Variants in CREB3L2 observed in about 807,000 individuals in gnomAD.
The protein encoded by CREB3L2 is cAMP responsive element binding protein 3 like 2.
CREB3L2 carries 23 observed loss-of-function variants against 57.2 expected under a neutral mutation model. The ratio of observed to expected loss-of-function variants is 0.40; its 90% confidence interval spans 0.29 to 0.57. The LOEUF (loss-of-function observed/expected upper bound fraction) is 0.57, where lower values mean the gene tolerates loss of function less well. CREB3L2 is among the 20% of genes least tolerant of loss of function. The pLI, the probability that CREB3L2 is intolerant of heterozygous loss-of-function variation, is 0.42. For missense variants in CREB3L2, 628 were observed against 634.7 expected (o/e 0.99, Z 0.11); for synonymous variants, 268 against 265.1 (o/e 1.01, Z -0.11).
At chr7:137,912,691 T>C (rs1017131215) in intron 4 of CREB3L2, 2 of 686,778 alleles carry the variant, frequency 2.9e-6, no homozygotes, top group Non-Finnish European at 4.8e-6. Context: ...AGTTCTCTTG[T>C]TCGATAGTGT....
At chr7:137,981,076 C>T (rs1801702764) in intron 1 of CREB3L2, among the ~76,000 whole-genome samples, 1 of 152,166 alleles carries the variant, frequency 6.6e-6, no homozygotes, top group Non-Finnish European at 1.5e-5. Flanking sequence ...ATCCCAAGCC[C>T]TGAGTTCAGG....
rs1799128700 is a variant in CREB3L2, at chr7:137,875,532, C to CA, written c.*4943dup. The CA allele has an allele frequency of 9.0e-6, 2 of 223,020 alleles. No homozygotes were observed. The highest frequency in any genetic ancestry group is 3.7e-4 in the South Asian group (2 of 5,446). 13.8% of individuals were successfully genotyped at this position (223,020 alleles called of 1,614,324 possible). ...AGCTGGAACTCACAGAAGATTGGAA[C>CA]AAAAAGATAGGAGATGGACACCTGG... On this transcript the variant is annotated 3_prime_UTR_variant, in exon 12 of 12. Coordinates refer to ENST00000330387, the MANE Select transcript of CREB3L2 (RefSeq NM_194071.4).
intron 1 of CREB3L2, among the ~76,000 whole-genome samples, chr7:137,952,883 T>A (rs994387519): frequency 2.0e-5 from 3 of 152,188 alleles, no homozygotes; most frequent in African/African-American, 7.2e-5. Context: ...AGTGGCGTGA[T>A]CTTGGCTCAC....
At chr7:137,883,711 T>C (rs1022107664) in intron 10 of CREB3L2, among the ~76,000 whole-genome samples, 1 of 151,708 alleles carries the variant, frequency 6.6e-6, no homozygotes, top group African/African-American at 2.4e-5. Context: ...GTATTTTTAT[T>C]GGCTGCAGGT....
intron 1 of CREB3L2, among the ~76,000 whole-genome samples, chr7:137,944,883 ATTTTATT>A (rs1250326943): frequency 0.015 from 2,227 of 152,012 alleles, 150 homozygotes; most frequent in Admixed American, 0.12. Context: ...TATAACTTTT[ATTTTATT>A]TTTTATTTTT....
At position 137,894,703 on chromosome 7, in the gene CREB3L2, C is replaced by T. The variant is rs796264214; in HGVS notation, c.1043+6651G>A. On this transcript the variant is annotated intron_variant, in intron 8 of 11. Transcript: ENST00000330387. ...GGATGCATCCCCTTGGTCCTGCCAA[C>T]TACACATCCCATGGAGGGGGACATG... 2.4e-4 allele frequency among the ~76,000 whole-genome samples: 37 copies of T among 152,348 alleles called. 1 individual carries two copies. Among genetic ancestry groups the T allele is most frequent in the African/African-American group, 8.2e-4 (34 of 41,592 alleles).
At chr7:137,937,701 CAG>C (rs1405115272) in intron 1 of CREB3L2, among the ~76,000 whole-genome samples, 3 of 151,582 alleles carry the variant, frequency 2.0e-5, no homozygotes, top group Non-Finnish European at 4.4e-5. Context: ...TTTATTACAC[CAG>C]AGTTTTGGAG....
intron 1 of CREB3L2, among the ~76,000 whole-genome samples, chr7:137,996,147 G>A (rs1477092249): frequency 6.6e-6 from 1 of 152,214 alleles, no homozygotes; most frequent in Non-Finnish European, 1.5e-5. Flanking sequence ...TCTCCAAGTG[G>A]AGATTCACCC....
At chr7:137,969,588 T>G (rs1423929657) in intron 1 of CREB3L2, among the ~76,000 whole-genome samples, 3 of 151,932 alleles carry the variant, frequency 2.0e-5, no homozygotes, top group Admixed American at 6.6e-5. Flanking sequence ...CCTGACCTCA[T>G]GATCCACCTG....
intron 11 of CREB3L2, 39 bp downstream of exon 11, chr7:137,882,373 G>A: frequency 2.7e-6 from 4 of 1,497,126 alleles, no homozygotes; most frequent in Non-Finnish European, 3.7e-6. Flanking sequence ...CCCACCATCA[G>A]TGCACTAGAG....
intron 1 of CREB3L2, among the ~76,000 whole-genome samples, chr7:137,946,900 TTA>T (rs74203935): frequency 0.11 from 2,877 of 25,882 alleles, 373 homozygotes; most frequent in East Asian, 0.28. Context: ...ATATATATAG[TTA>T]TATATATAGT....
At chr7:137,948,431 C>T (rs977158589) in intron 1 of CREB3L2, among the ~76,000 whole-genome samples, 1 of 152,190 alleles carries the variant, frequency 6.6e-6, no homozygotes, top group Non-Finnish European at 1.5e-5. Flanking sequence ...ATAGCTTCTC[C>T]ATCTCCTCCA....
At chr7:137,894,643 G>A (rs1010094003) in intron 8 of CREB3L2, among the ~76,000 whole-genome samples, 5 of 152,158 alleles carry the variant, frequency 3.3e-5, no homozygotes, top group Admixed American at 6.5e-5. Flanking sequence ...AGGTACTGGA[G>A]TAAGTTCTAG....
At chr7:137,962,641 A>AC (rs1181891773) in intron 1 of CREB3L2, among the ~76,000 whole-genome samples, 3 of 149,670 alleles carry the variant, frequency 2.0e-5, no homozygotes, top group Admixed American at 6.7e-5. Context: ...AGAGCCTCCC[A>AC]CCCCCCACCA....
At chr7:137,938,193 A>C (rs273987) in intron 1 of CREB3L2, among the ~76,000 whole-genome samples, 81,085 of 151,996 alleles carry the variant, frequency 0.53, 22,760 homozygotes, top group East Asian at 0.81. Context: ...ACAATGTGTC[A>C]ATGTATCTAC....
intron 4 of CREB3L2, among the ~76,000 whole-genome samples, chr7:137,909,912 G>GATCT (rs1371050457): frequency 6.6e-6 from 1 of 152,156 alleles, no homozygotes; most frequent in African/African-American, 2.4e-5. Context: ...AGCCTCATGA[G>GATCT]ATCTGATGAA....
In CREB3L2 at chr7:137,946,487, T is replaced by C. The variant is rs548698053; in HGVS notation, c.103-18121A>G. On this transcript the variant is annotated intron_variant, in intron 1 of 11. Transcript: ENST00000330387. ...AACCATATGCTCCTGAAAGAGGACCTTGAGCCTCAAATGAGACTGCAGCTC... is the reference window on the plus strand; with the variant it reads ...AACCATATGCTCCTGAAAGAGGACCCTGAGCCTCAAATGAGACTGCAGCTC... Among the ~76,000 whole-genome samples the C allele has an allele frequency of 1.0e-4, 15 of 150,506 alleles. No individual in the cohort carries two copies. The South Asian group carries it at 1.9e-3, about 19-fold the overall frequency.
chr7:137,971,782 A>G (rs958025599), intron 1 of CREB3L2, among the ~76,000 whole-genome samples: 1 of 152,154 alleles, frequency 6.6e-6, no homozygotes, highest in Admixed American at 6.5e-5. Flanking sequence ...TAAAAGAGGG[A>G]AAAATGGGAA....
chr7:137,998,332 T>C (rs988925695), intron 1 of CREB3L2, among the ~76,000 whole-genome samples: 5 of 152,270 alleles, frequency 3.3e-5, no homozygotes, highest in African/African-American at 9.6e-5. Context: ...TTAGCAATCA[T>C]GCATGTAGTA....
Sources: gnomAD v4.1 joint callset for allele counts (sites outside exome capture counted in the v4.1 genomes callset) on GRCh38, gnomAD v4.1.1 for gene constraint, MANE v1.5 for transcripts, NCBI Gene and HGNC (gene_info 2026-07-23, HGNC 2026-07-21) for gene names.